The following MAGI2 variants were observed in gnomAD, a reference collection of about 807,000 sequenced individuals.
MAGI2 encodes the protein membrane associated guanylate kinase, WW and PDZ domain containing 2, also known as membrane-associated guanylate kinase, WW and PDZ domain-containing protein 2.
MAGI2 carries 35 observed loss-of-function variants against 133.3 expected under a neutral mutation model. The observed-to-expected ratio is 0.26, with a 90% confidence interval of 0.20 to 0.35. The LOEUF is 0.35. Among genes scored for constraint, MAGI2 ranks in the 10% least tolerant of loss-of-function variants. The pLI is 1.00. For missense variants in MAGI2, 1,636 were observed against 1,863.4 expected, an observed-to-expected ratio of 0.88 and a Z score of 2.25; for synonymous variants, 729 against 710.6, an observed-to-expected ratio of 1.03 and a Z score of -0.41.
chr7:79,358,444 A>C (rs1226374119), intron 1 of MAGI2, among the ~76,000 whole-genome samples: 1 of 152,146 alleles, frequency 6.6e-6, no homozygotes, highest in East Asian at 1.9e-4. Context: ...CAAGAGTACT[A>C]TACCTCTCGA....
chr7:78,308,906 G>C (rs892977605), intron 9 of MAGI2, among the ~76,000 whole-genome samples: 1 of 152,172 alleles, frequency 6.6e-6, no homozygotes, highest in African/African-American at 2.4e-5. Flanking sequence ...TTCATTAACA[G>C]TACACTACGT....
chr7:79,298,051 T>A (rs888123204), intron 1 of MAGI2, among the ~76,000 whole-genome samples: 5 of 152,198 alleles, frequency 3.3e-5, no homozygotes, highest in South Asian at 4.1e-4. Context: ...TTATGATATG[T>A]TTGTGGTCAA....
intron 9 of MAGI2, among the ~76,000 whole-genome samples, chr7:78,320,018 A>T (rs1391874039): frequency 6.6e-6 from 1 of 152,236 alleles, no homozygotes; most frequent in Non-Finnish European, 1.5e-5. Context: ...TAAACTAGAA[A>T]ATCTAGAAGA....
At chr7:78,070,060 T>A (rs909882203) in intron 21 of MAGI2, among the ~76,000 whole-genome samples, 26 of 150,378 alleles carry the variant, frequency 1.7e-4, no homozygotes, top group African/African-American at 5.9e-4. Context: ...GCTAAACAGG[T>A]TCTTCTTGGT....
intron 1 of MAGI2, among the ~76,000 whole-genome samples, chr7:79,326,485 A>C (rs1839703266): frequency 6.6e-6 from 1 of 152,160 alleles, no homozygotes; most frequent in African/African-American, 2.4e-5. Flanking sequence ...TGATGTTTTA[A>C]AACGTCATTA....
chr7:78,505,631 A>C (rs764294479), intron 4 of MAGI2, among the ~76,000 whole-genome samples: 4 of 152,198 alleles, frequency 2.6e-5, no homozygotes, highest in Non-Finnish European at 5.9e-5. Context: ...TTTATTATGC[A>C]CTCAACTGGT....
At chr7:78,463,929 C>G (rs1295103708) in intron 6 of MAGI2, among the ~76,000 whole-genome samples, 3 of 151,950 alleles carry the variant, frequency 2.0e-5, no homozygotes, top group Non-Finnish European at 4.4e-5. Context: ...GGAGGGCAGG[C>G]AGGCAGGTAG....
intron 9 of MAGI2, among the ~76,000 whole-genome samples, chr7:78,279,737 A>G (rs893581452): frequency 7.9e-5 from 12 of 152,132 alleles, no homozygotes; most frequent in Non-Finnish European, 1.8e-4. Flanking sequence ...GTGTTGGTCC[A>G]TCCAGAGTGT....
intron 9 of MAGI2, among the ~76,000 whole-genome samples, chr7:78,272,208 G>T (rs1346708706): frequency 6.6e-6 from 1 of 152,156 alleles, no homozygotes; most frequent in Non-Finnish European, 1.5e-5. Flanking sequence ...TTACCCAGTA[G>T]TCATTCAGGA....
intron 1 of MAGI2, among the ~76,000 whole-genome samples, chr7:79,171,760 ATATATATATATTTTTT>A (rs1167050903): frequency 3.1e-5 from 1 of 32,284 alleles, no homozygotes; most frequent in South Asian, 6.9e-4. Flanking sequence ...ATATATATAT[ATATATATATATTTTTT>A]TTTTTTTTTT....
intron 1 of MAGI2, among the ~76,000 whole-genome samples, chr7:79,316,790 T>A (rs1204933342): frequency 6.6e-6 from 1 of 152,090 alleles, no homozygotes; most frequent in East Asian, 1.9e-4. Flanking sequence ...CTCTGCAAAG[T>A]CCTTTATATC....
rs1800293471 is a variant in MAGI2, at chr7:78,933,499, T to C, written c.418+73591A>G. On this transcript the variant is annotated intron_variant, in intron 2 of 21. Transcript: ENST00000354212. ...GGCCTGCAACTTTGTTCAGTGATGA[T>C]GATGAACAATATGCAAAAAATTATA... is the stretch of plus-strand genomic sequence containing the variant. Among the ~76,000 whole-genome samples, 3 of 152,266 alleles carry C rather than the reference T, an allele frequency of 2.0e-5. No individual in the cohort carries two copies. The Middle Eastern group carries it at 0.01, about 518-fold the overall frequency.
intron 1 of MAGI2, among the ~76,000 whole-genome samples, chr7:79,350,627 GT>G (rs1300081618): frequency 1.3e-5 from 2 of 152,072 alleles, no homozygotes; most frequent in Non-Finnish European, 2.9e-5. Flanking sequence ...GAATTTTTGT[GT>G]GATGAAGGCT....
At chr7:78,953,449 A>T (rs1802033912) in intron 2 of MAGI2, among the ~76,000 whole-genome samples, 1 of 152,126 alleles carries the variant, frequency 6.6e-6, no homozygotes, top group Non-Finnish European at 1.5e-5. Context: ...GTCTCTGTGT[A>T]TGAAATAGAG....
At chr7:79,405,150 C>CT (rs1845721201) in intron 1 of MAGI2, among the ~76,000 whole-genome samples, 1 of 152,076 alleles carries the variant, frequency 6.6e-6, no homozygotes, top group Non-Finnish European at 1.5e-5. Flanking sequence ...GTTGTATTTG[C>CT]TAAGACAAGA....
chr7:78,946,361 A>C (rs1801418019), intron 2 of MAGI2, among the ~76,000 whole-genome samples: 5 of 152,188 alleles, frequency 3.3e-5, no homozygotes, highest in African/African-American at 1.2e-4. Flanking sequence ...AGAAAATTAG[A>C]TTTGGCACTT....
At chr7:78,529,604 G>C (rs1469866005) in intron 3 of MAGI2, among the ~76,000 whole-genome samples, 1 of 148,090 alleles carries the variant, frequency 6.8e-6, no homozygotes, top group East Asian at 2.0e-4. Flanking sequence ...CCACAGATAT[G>C]AGCCACATAT....
At chr7:78,798,346 A>C (rs1787783741) in intron 2 of MAGI2, among the ~76,000 whole-genome samples, 1 of 152,130 alleles carries the variant, frequency 6.6e-6, no homozygotes, top group Admixed American at 6.6e-5. Flanking sequence ...CAGATGAAAA[A>C]AATTCAGTGA....
intron 2 of MAGI2, among the ~76,000 whole-genome samples, chr7:78,740,551 T>A (rs1049540507): frequency 7.2e-5 from 11 of 152,348 alleles, no homozygotes; most frequent in African/African-American, 2.4e-4. Flanking sequence ...AGCACAGTTA[T>A]GTCAGATGAC....
Sources: gnomAD v4.1 joint callset for allele counts (sites outside exome capture counted in the v4.1 genomes callset) on GRCh38, gnomAD v4.1.1 for gene constraint, MANE v1.5 for transcripts, NCBI Gene and HGNC (gene_info 2026-07-23, HGNC 2026-07-21) for gene names.